The following PABIR2 variants were observed in gnomAD, a reference collection of about 807,000 sequenced individuals.
PABIR2 encodes the protein PABIR family member 2, also known as family with sequence similarity 122B.
In PABIR2, 7 loss-of-function variants were observed where a neutral mutation model predicts 22.8. The ratio of observed to expected loss-of-function variants is 0.31; its 90% CI spans 0.17 to 0.58. PABIR2 has a LOEUF of 0.58. PABIR2 is among the 20% of genes least tolerant of loss of function. The probability of loss-of-function intolerance (pLI) is 0.89; values close to 1 mark genes in which losing one functional copy is unlikely to be tolerated. For synonymous variants in PABIR2, 67 were observed against 73.8 expected (o/e 0.91, Z 0.47); for missense variants, 155 against 205.1 (o/e 0.76, Z 1.49).
chrX:134,771,774 TATCAC>T lies in PABIR2; in HGVS notation c.*360_*364del. On this transcript the variant is annotated 3_prime_UTR_variant, in exon 10 of 10. Coordinates refer to ENST00000343004, the MANE Select transcript of PABIR2 (RefSeq NM_001387468.1). ...AGAGAATTTCTGATCAAATCTGTCATATCACTGCTGCGGAAAAGGACCATTAAAGG... is the reference window on the plus strand; with the variant it reads ...AGAGAATTTCTGATCAAATCTGTCATTGCTGCGGAAAAGGACCATTAAAGG... 1.2e-6 allele frequency: 1 copy of T among 813,013 alleles called. No homozygotes were observed. 67.0% of individuals were successfully genotyped at this position (813,013 alleles called of 1,213,427 possible). A position where few individuals can be genotyped will look rare whatever the true frequency, so the allele number is the denominator to read the frequency against.
chrX:134,788,911 T>A, intron 5 of PABIR2, 80 bp from the exon 6 acceptor site: 1 of 1,034,112 alleles, frequency 9.7e-7, no homozygotes, highest in Non-Finnish European at 1.3e-6. Context: ...ACACCCAGAT[T>A]TTCCAAGGAG....
chrX:134,788,575 C>CAT (rs200016277), intron 6 of PABIR2, among the ~76,000 whole-genome samples, 155 bp downstream of exon 6: 1,295 of 105,813 alleles, frequency 0.012, 29 homozygotes, highest in African/African-American at 0.042. Flanking sequence ...CAAGAATATA[C>CAT]ATATATATAT....
chrX:134,772,480 T>G (rs1043704901), intron 9 of PABIR2, among the ~76,000 whole-genome samples, 197 bp from the exon 10 acceptor site: 9 of 111,753 alleles, frequency 8.1e-5, no homozygotes, highest in Non-Finnish European at 3.8e-5. Context: ...TTCGAGGTCC[T>G]GTATCATTTG....
At position 134,777,868 on chromosome X, in the gene PABIR2, TTTTG is replaced by T. The variant is rs1224879957; in HGVS notation, c.659+3949_659+3952del. Among the ~76,000 whole-genome samples the T allele has an allele frequency of 1.3e-3, 141 of 107,733 alleles. 1 individual carries two copies. Among genetic ancestry groups the T allele is most frequent in the African/African-American group, 4.5e-3 (131 of 29,429 alleles). 93.6% of individuals were successfully genotyped at this position (107,733 alleles called of 115,157 possible). A position where few individuals can be genotyped will look rare whatever the true frequency, so the allele number is the denominator to read the frequency against. On this transcript the variant is annotated intron_variant, in intron 9 of 9. Coordinates refer to ENST00000343004, the MANE Select transcript of PABIR2 (RefSeq NM_001387468.1). Reference sequence around the variant, plus strand: ...AGTTTCTGCAAAAGCAGGATCCAGTTTTTGTTTGTTTGGTTGGTTTTTTTTTTTT... The same window carrying T: ...AGTTTCTGCAAAAGCAGGATCCAGTTTTTGTTTGGTTGGTTTTTTTTTTTT...
chrX:134,776,584 G>C (rs1303033953), intron 9 of PABIR2, among the ~76,000 whole-genome samples: 1 of 109,953 alleles, frequency 9.1e-6, no homozygotes, highest in African/African-American at 3.3e-5. Context: ...CTCCAGATTT[G>C]GTTGGCAAAG....
chrX:134,795,608 G>C (rs933054593), intron 1 of PABIR2, among the ~76,000 whole-genome samples: 1 of 112,240 alleles, frequency 8.9e-6, no homozygotes, highest in African/African-American at 3.2e-5. Flanking sequence ...TTTAGAACCT[G>C]AAAACATTAG....
intron 8 of PABIR2, among the ~76,000 whole-genome samples, chrX:134,783,493 G>A (rs1021361751): frequency 6.2e-5 from 7 of 112,046 alleles, no homozygotes; most frequent in East Asian, 2.8e-4. Context: ...TTGGGAGGCC[G>A]AGGCAGGCAA....
Position 134,770,285 on chromosome X carries a change from A to C in PABIR2, c.*1854T>G, listed in dbSNP as rs2147861699. 8.9e-6 allele frequency: 1 copy of C among 112,523 alleles called. No individual in the cohort carries two copies. Among genetic ancestry groups the C allele is most frequent in the Non-Finnish European group, 1.9e-5 (1 of 53,237 alleles). The allele number at this position is 112,523 out of a possible 1,213,427, so 9.3% of individuals were successfully genotyped here. A position where few individuals can be genotyped will look rare whatever the true frequency, so the allele number is the denominator to read the frequency against. The stretch of plus-strand genomic sequence containing the variant: ...ACCATCGAAGAATTTTTTCTTTATA[A>C]TGGCATACTAGGGGACAAGCTTCAT... On this transcript the variant is annotated 3_prime_UTR_variant, in exon 10 of 10. Coordinates refer to ENST00000343004, the MANE Select transcript of PABIR2 (RefSeq NM_001387468.1).
intron 1 of PABIR2, among the ~76,000 whole-genome samples, chrX:134,795,074 G>A (rs945279621): frequency 1.8e-5 from 2 of 112,151 alleles, no homozygotes; most frequent in Non-Finnish European, 3.8e-5. Context: ...CCAGTTTATT[G>A]TTATAGTAAC....
In PABIR2 at chrX:134,797,078, T is replaced by C. The variant is rs2079894430; in HGVS notation, c.-873A>G. 8.8e-6 allele frequency: 1 copy of C among 113,803 alleles called. No homozygotes were observed. The highest frequency in any genetic ancestry group is 1.9e-5 in the Non-Finnish European group (1 of 53,506). The allele number at this position is 113,803 out of a possible 1,213,427, so 9.4% of individuals were successfully genotyped here. On this transcript the variant is annotated 5_prime_UTR_variant, in exon 1 of 10. Transcript: ENST00000343004. ...CTCCTCTTCCTCTCTCGGGTTCTAA[T>C]GGTCTGGGGGAACCCGTTGGGGCCA...
intron 2 of PABIR2, among the ~76,000 whole-genome samples, chrX:134,789,917 T>C (rs1372132532): frequency 9.0e-6 from 1 of 111,472 alleles, no homozygotes; most frequent in Admixed American, 9.6e-5. Context: ...AAATAAAGAC[T>C]ATGGGCCTTA....
At position 134,777,885 on chromosome X, in the gene PABIR2, GTTT is replaced by G. The variant is rs1246080322; in HGVS notation, c.659+3933_659+3935del. Among the ~76,000 whole-genome samples, 6 of 80,176 alleles carry G rather than the reference GTTT, an allele frequency of 7.5e-5. No individual in the cohort carries two copies. The East Asian group carries it at 1.5e-3, about 21-fold the overall frequency. 69.6% of individuals were successfully genotyped at this position (80,176 alleles called of 115,157 possible). ...GATCCAGTTTTTGTTTGTTTGGTTG[GTTT>G]TTTTTTTTTTTTTTTTTTTGAGACA... On this transcript the variant is annotated intron_variant, in intron 9 of 9. Transcript: ENST00000343004.
In PABIR2 at chrX:134,771,908, G is replaced by A; in HGVS notation, c.*231C>T. 1 of 946,182 alleles carries A rather than the reference G, an allele frequency of 1.1e-6. No individual in the cohort carries two copies. The highest frequency in any genetic ancestry group is 1.3e-6 in the Non-Finnish European group (1 of 760,747). The allele number at this position is 946,182 out of a possible 1,213,427, so 78.0% of individuals were successfully genotyped here. A position where few individuals can be genotyped will look rare whatever the true frequency, so the allele number is the denominator to read the frequency against. ...TAAGCAATCAAAAATCAGCATTTGA[G>A]ATTTAATCACTAAATCCAAAATGAG... On this transcript the variant is annotated 3_prime_UTR_variant, in exon 10 of 10. Coordinates refer to ENST00000343004, the MANE Select transcript of PABIR2 (RefSeq NM_001387468.1).
intron 9 of PABIR2, among the ~76,000 whole-genome samples, chrX:134,777,017 T>A (rs1016756551): frequency 8.9e-6 from 1 of 112,377 alleles, no homozygotes; most frequent in Non-Finnish European, 1.9e-5. Flanking sequence ...TTGTGTCTTG[T>A]TCAGTCAATA....
At chrX:134,776,773 G>A (rs186401735) in intron 9 of PABIR2, among the ~76,000 whole-genome samples, 94 of 112,214 alleles carry the variant, frequency 8.4e-4, no homozygotes, top group African/African-American at 2.8e-3. Context: ...TCTAAAGGCT[G>A]TAAAAGCCAT....
chrX:134,787,773 GCCCGAC>G (rs2079381759), intron 6 of PABIR2, among the ~76,000 whole-genome samples: 1 of 104,349 alleles, frequency 9.6e-6, no homozygotes, highest in Non-Finnish European at 2.0e-5. Context: ...GCGCCACCAT[GCCCGAC>G]TAATTTTTTT....
intron 7 of PABIR2, among the ~76,000 whole-genome samples, chrX:134,786,208 G>T (rs1459213871): frequency 3.6e-5 from 4 of 111,815 alleles, no homozygotes; most frequent in Non-Finnish European, 7.5e-5. Flanking sequence ...AAGAAAAAAA[G>T]ATACCCTATT....
intron 9 of PABIR2, among the ~76,000 whole-genome samples, chrX:134,781,507 GACC>G (rs1207840847): frequency 3.6e-5 from 4 of 111,537 alleles, no homozygotes; most frequent in Non-Finnish European, 1.9e-5. Flanking sequence ...CATGTTTTAG[GACC>G]ACATTTCTGG....
chrX:134,793,774 C>T (rs2079619108), intron 2 of PABIR2, 41 bp downstream of exon 2: 1 of 1,134,035 alleles, frequency 8.8e-7, no homozygotes, highest in Non-Finnish European at 1.2e-6. Flanking sequence ...AAAGTATTTT[C>T]CCCAATCTAA....
Sources: gnomAD v4.1 joint callset for allele counts (sites outside exome capture counted in the v4.1 genomes callset) on GRCh38, gnomAD v4.1.1 for gene constraint, MANE v1.5 for transcripts, NCBI Gene and HGNC (gene_info 2026-07-23, HGNC 2026-07-21) for gene names.